ADIPOR2: variants seen among roughly 807,000 people sequenced by gnomAD.
The protein encoded by ADIPOR2 is adiponectin receptor protein 2.
ADIPOR2 carries 18 observed loss-of-function variants against 40.9 expected under a neutral mutation model. That is an observed-to-expected ratio of 0.44 (90% CI 0.30 to 0.65). The LOEUF is 0.65. ADIPOR2 is among the 30% of genes least tolerant of loss of function. ADIPOR2 has a pLI of 0.09. For synonymous variants in ADIPOR2, 165 were observed against 166.4 expected, an observed-to-expected ratio of 0.99 and a Z score of 0.06; for missense variants, 283 against 479.2, an observed-to-expected ratio of 0.59 and a Z score of 3.82.
At chr12:1,766,367 A>G (rs1055956484) in intron 2 of ADIPOR2, among the ~76,000 whole-genome samples, 1 of 152,214 alleles carries the variant, frequency 6.6e-6, no homozygotes, top group Non-Finnish European at 1.5e-5. Flanking sequence ...TGAAAGGTCA[A>G]GGTGTATAGT....
At chr12:1,758,063 C>T in intron 2 of ADIPOR2, 1 of 614,032 alleles carries the variant, frequency 1.6e-6, no homozygotes, top group Non-Finnish European at 3.0e-6. Context: ...CAGAACTTGC[C>T]CACCCAATCA....
intron 1 of ADIPOR2, among the ~76,000 whole-genome samples, chr12:1,712,781 G>A (rs963892948): frequency 1.4e-4 from 21 of 152,040 alleles, no homozygotes; most frequent in African/African-American, 4.6e-4. Flanking sequence ...AGGAACCCCC[G>A]CAACTGTTTT....
chr12:1,757,988 A>T (rs1862179563), intron 2 of ADIPOR2: 1 of 1,046,632 alleles, frequency 9.6e-7, no homozygotes, highest in Non-Finnish European at 1.5e-6. Context: ...CCCACTTCAG[A>T]TGCTTCTTGG....
At chr12:1,737,207 A>G (rs890535731) in intron 1 of ADIPOR2, among the ~76,000 whole-genome samples, 2 of 152,220 alleles carry the variant, frequency 1.3e-5, no homozygotes, top group Non-Finnish European at 2.9e-5. Flanking sequence ...TTGAAATTGT[A>G]GCCTGTATAT....
chr12:1,712,923 CTTGTA>C (rs1006840884), intron 1 of ADIPOR2, among the ~76,000 whole-genome samples: 16 of 152,216 alleles, frequency 1.1e-4, no homozygotes, highest in Non-Finnish European at 2.1e-4. Flanking sequence ...ATTTAGATGC[CTTGTA>C]CCCTTGATTA....
chr12:1,708,622 A>G lies in ADIPOR2; in HGVS notation c.-87+17431A>G, dbSNP rs1444229315. 2.6e-5 allele frequency among the ~76,000 whole-genome samples: 4 copies of G among 151,978 alleles called. No individual in the cohort carries two copies. The East Asian group carries it at 7.7e-4, about 29-fold the overall frequency. On this transcript the variant is annotated intron_variant, in intron 1 of 7. Coordinates refer to ENST00000357103, the MANE Select transcript of ADIPOR2 (RefSeq NM_024551.3). ...GTTGTTCAAGCACCATTTGGTAAAA[A>G]GACTATCCTTTCCTCATTTAATTAC...
chr12:1,744,458 G>T (rs2094750537), intron 1 of ADIPOR2, among the ~76,000 whole-genome samples: 1 of 151,648 alleles, frequency 6.6e-6, no homozygotes, highest in South Asian at 2.1e-4. Context: ...CACCCTGGCT[G>T]GTTAGTAGTT....
chr12:1,770,494 T>G (rs1043352690), intron 2 of ADIPOR2, among the ~76,000 whole-genome samples: 2 of 152,244 alleles, frequency 1.3e-5, no homozygotes, highest in African/African-American at 4.8e-5. Context: ...ATCGGTCTGC[T>G]ATAATCATTT....
chr12:1,763,116 G>T (rs1319624084), intron 2 of ADIPOR2, among the ~76,000 whole-genome samples: 6 of 152,194 alleles, frequency 3.9e-5, no homozygotes, highest in African/African-American at 1.4e-4. Flanking sequence ...AGGTGTTGGA[G>T]AGGTTAGTCT....
intron 1 of ADIPOR2, among the ~76,000 whole-genome samples, chr12:1,700,848 A>G (rs975081710): frequency 6.6e-6 from 1 of 152,022 alleles, no homozygotes; most frequent in Non-Finnish European, 1.5e-5. Flanking sequence ...AGCCAATGAA[A>G]TACATTTTAG....
chr12:1,786,224 T>G lies in ADIPOR2; in HGVS notation c.*152T>G. 2 of 971,222 alleles carry G rather than the reference T, an allele frequency of 2.1e-6. No homozygotes were observed. Among genetic ancestry groups the G allele is most frequent in the Non-Finnish European group, 3.0e-6 (2 of 674,830 alleles). The allele number at this position is 971,222 out of a possible 1,614,324, so 60.2% of individuals were successfully genotyped here. ...CGGCCCAGTGGCTCTGCGTGGTACA[T>G]GACTGAGAAGAGAAAAACAAAAATA... On this transcript the variant is annotated 3_prime_UTR_variant, in exon 8 of 8. Transcript: ENST00000357103.
chr12:1,765,633 T>G (rs938359411), intron 2 of ADIPOR2, among the ~76,000 whole-genome samples: 1 of 152,214 alleles, frequency 6.6e-6, no homozygotes, highest in African/African-American at 2.4e-5. Context: ...GATAAACACA[T>G]CTTGAAGTTA....
At chr12:1,770,773 A>G (rs918122709) in intron 2 of ADIPOR2, among the ~76,000 whole-genome samples, 1 of 152,366 alleles carries the variant, frequency 6.6e-6, no homozygotes, top group Middle Eastern at 3.4e-3. Context: ...AGCTGTAATC[A>G]GATATTACTG....
In ADIPOR2 at chr12:1,710,460, C is replaced by T. The variant is rs191673836; in HGVS notation, c.-87+19269C>T. Among the ~76,000 whole-genome samples the T allele has an allele frequency of 1.3e-4, 20 of 152,138 alleles. No individual in the cohort carries two copies. In the East Asian group the frequency reaches 2.9e-3, roughly 22 times the overall value. The stretch of plus-strand genomic sequence containing the variant: ...GTGACCCAGACGGGACCATTGGACC[C>T]CTTTTGCTTGCTATTCTGTCCTATT... On this transcript the variant is annotated intron_variant, in intron 1 of 7. Transcript: ENST00000357103.
intron 1 of ADIPOR2, among the ~76,000 whole-genome samples, chr12:1,739,125 T>C (rs1208491197): frequency 1.3e-5 from 2 of 152,208 alleles, no homozygotes; most frequent in Non-Finnish European, 2.9e-5. Context: ...AAAACATGAA[T>C]TCTTTCAGAA....
At chr12:1,714,217 T>C (rs540655601) in intron 1 of ADIPOR2, among the ~76,000 whole-genome samples, 1 of 152,266 alleles carries the variant, frequency 6.6e-6, no homozygotes, top group East Asian at 1.9e-4. Flanking sequence ...TTTTCTGTCC[T>C]CTCTGAACCA....
chr12:1,741,177 C>G (rs906934214), intron 1 of ADIPOR2, among the ~76,000 whole-genome samples: 1 of 152,110 alleles, frequency 6.6e-6, no homozygotes, highest in Non-Finnish European at 1.5e-5. Context: ...GGAATAAAAT[C>G]TGGAGGGATT....
At chr12:1,749,128 A>G (rs1454896745) in intron 1 of ADIPOR2, among the ~76,000 whole-genome samples, 2 of 152,228 alleles carry the variant, frequency 1.3e-5, no homozygotes, top group African/African-American at 2.4e-5. Flanking sequence ...TGCAAAGGTT[A>G]CAGATGAAGG....
chr12:1,693,023 C>T (rs918439921), intron 1 of ADIPOR2, among the ~76,000 whole-genome samples: 1 of 152,006 alleles, frequency 6.6e-6, no homozygotes, highest in African/African-American at 2.4e-5. Context: ...GGTGTGGTGG[C>T]GCACTCTTGT....
Sources: gnomAD v4.1 joint callset for allele counts (sites outside exome capture counted in the v4.1 genomes callset) on GRCh38, gnomAD v4.1.1 for gene constraint, MANE v1.5 for transcripts, NCBI Gene and HGNC (gene_info 2026-07-23, HGNC 2026-07-21) for gene names.